Variants in ZNF622 observed in about 807,000 individuals in gnomAD.
ZNF622 encodes the protein zinc finger protein 622, also known as cytoplasmic 60S subunit biogenesis factor ZNF622.
In ZNF622, 34 loss-of-function variants were observed where a neutral mutation model predicts 49.7. The ratio of observed to expected loss-of-function variants is 0.68; its 90% CI spans 0.52 to 0.91. The LOEUF is 0.91. ZNF622 is among the 40% of genes least tolerant of loss of function. The pLI is 0.00. For missense variants in ZNF622, 569 were observed against 616.4 expected, an observed-to-expected ratio of 0.92 and a Z score of 0.81; for synonymous variants, 209 against 228.7, an observed-to-expected ratio of 0.91 and a Z score of 0.78.
rs751345403 is a variant in ZNF622, at chr5:16,465,507, C to T, written c.159G>A (p.Ala53=). The T allele has an allele frequency of 6.2e-7, 1 of 1,614,022 alleles. No homozygotes were observed. Among genetic ancestry groups the T allele is most frequent in the Non-Finnish European group, 8.5e-7 (1 of 1,180,016 alleles). Reference sequence around the variant, plus strand: ...TCTCCTCCTCCGCGACGGCCCGCTGCGCCCGCACTCGCTCCTGGAAGCCCT... The same window carrying T: ...TCTCCTCCTCCGCGACGGCCCGCTGTGCCCGCACTCGCTCCTGGAAGCCCT... ...TAEGFQERVR[A]QRAVAEEESK... is the part of the protein sequence containing the mutation. Residue 53 remains alanine, a synonymous_variant, in exon 1 of 6, where the codon GCG becomes GCA. Coordinates refer to ENST00000308683, the MANE Select transcript of ZNF622 (RefSeq NM_033414.3). The surrounding 1 kb of genome is among the most constrained non-coding windows in gnomAD (Gnocchi z 6.2).
intron 3 of ZNF622, among the ~76,000 whole-genome samples, chr5:16,461,173 C>T (rs530932409): frequency 6.6e-6 from 1 of 152,198 alleles, no homozygotes; most frequent in African/African-American, 2.4e-5. Flanking sequence ...GCAGCAAATG[C>T]AAAGGTCTTG....
In ZNF622 at chr5:16,453,109, A is replaced by G; in HGVS notation, c.1210T>C (p.Phe404Leu). 1.3e-6 allele frequency: 2 copies of G among 1,581,102 alleles called. No individual in the cohort carries two copies. Among genetic ancestry groups the G allele is most frequent in the Non-Finnish European group, 1.7e-6 (2 of 1,160,300 alleles). ...ACTGCCACAGCTCTTGACAAGCCAAATCGCTGTTTGTAGTATCTCATCAAG... is the reference window on the plus strand; with the variant it reads ...ACTGCCACAGCTCTTGACAAGCCAAGTCGCTGTTTGTAGTATCTCATCAAG... ...RSLMRYYKQR[F>L]GLSRAVAVAK... Residue 404 changes from phenylalanine (F) to leucine (L), a missense_variant, in exon 5 of 6, where the codon TTT becomes CTT. Coordinates refer to ENST00000308683, the MANE Select transcript of ZNF622 (RefSeq NM_033414.3).
chr5:16,455,057 C>A (rs1738003641), intron 4 of ZNF622, among the ~76,000 whole-genome samples: 1 of 152,142 alleles, frequency 6.6e-6, no homozygotes, highest in Admixed American at 6.5e-5. Context: ...CAAAAGTAAT[C>A]AAATATCTTC....
In ZNF622 at chr5:16,454,592, T is replaced by C. The variant is rs373037334; in HGVS notation, c.1163-1436A>G. Among the ~76,000 whole-genome samples the C allele has an allele frequency of 1.1e-3, 165 of 151,902 alleles. 2 individuals are homozygous for C. The highest frequency in any genetic ancestry group is 3.8e-3 in the African/African-American group (156 of 41,436). On this transcript the variant is annotated intron_variant, in intron 4 of 5. Transcript: ENST00000308683. ...ACCTGAGGTAAGTAAAGATATCTAC[T>C]GGAGGAACAATTCAAGGTTCTTATT...
At position 16,463,542 on chromosome 5, in the gene ZNF622, T is replaced by G; in HGVS notation, c.826A>C (p.Ser276Arg). 1 of 1,614,166 alleles carries G rather than the reference T, an allele frequency of 6.2e-7. No homozygotes were observed. The highest frequency in any genetic ancestry group is 1.3e-5 in the African/African-American group (1 of 75,056). ...KNVAHMTKDH[S>R]FFIPDIEYLS... ...TATTCTATATCAGGAATAAAGAAAC[T>G]GTGGTCTTTGGTCATGTGAGCCACA... The change falls in exon 2 of 6, where the codon AGT becomes CGT. Residue 276 changes from serine (S) to arginine (R), a missense_variant. Physicochemically the swap from Ser to Arg is moderately radical, Grantham distance 110 (BLOSUM62 -1). Transcript: ENST00000308683. This position sits in a 1 kb window ranked among gnomAD's most constrained non-coding sequence, Gnocchi z 4.2.
chr5:16,455,759 C>T (rs955677540), intron 4 of ZNF622, among the ~76,000 whole-genome samples: 5 of 152,200 alleles, frequency 3.3e-5, no homozygotes, highest in Non-Finnish European at 5.9e-5. Flanking sequence ...CATGTGGAAA[C>T]ACATCCTACA....
In ZNF622 at chr5:16,463,648, A is replaced by G; in HGVS notation, c.720T>C (p.Ala240=). Residue 240 remains alanine, a synonymous_variant, in exon 2 of 6, where the codon GCT becomes GCC. Transcript: ENST00000308683. This position sits in a 1 kb window ranked among gnomAD's most constrained non-coding sequence, Gnocchi z 4.2. Reference sequence around the variant, plus strand: ...TGGCACCAAGGGGTGGGCCTTCCTCAGCCTCTTCCTCCTCTGCATCCTGCT... The same window carrying G: ...TGGCACCAAGGGGTGGGCCTTCCTCGGCCTCTTCCTCCTCTGCATCCTGCT... The part of the protein sequence containing the change: ...VVEQDAEEEE[A]EEGPPLGAIP... The G allele has an allele frequency of 6.2e-7, 1 of 1,614,238 alleles. No homozygotes were observed. Among genetic ancestry groups the G allele is most frequent in the Non-Finnish European group, 8.5e-7 (1 of 1,180,040 alleles).
intron 4 of ZNF622, among the ~76,000 whole-genome samples, chr5:16,455,210 G>T (rs26021): frequency 0.75 from 113,899 of 152,124 alleles, 42,654 homozygotes; most frequent in Non-Finnish European, 0.76. Flanking sequence ...TATTTACCTA[G>T]GTAAAGCCAT....
chr5:16,461,004 T>C (rs1009315722), intron 3 of ZNF622, among the ~76,000 whole-genome samples: 6 of 151,956 alleles, frequency 3.9e-5, no homozygotes, highest in African/African-American at 4.8e-5. Context: ...GTAGGGGATA[T>C]AAGGAAAAAT....
In ZNF622 at chr5:16,463,021, G is replaced by T; in HGVS notation, c.1049+87C>A. 7.1e-7 allele frequency: 1 copy of T among 1,416,042 alleles called. No homozygotes were observed. The highest frequency in any genetic ancestry group is 9.6e-7 in the Non-Finnish European group (1 of 1,040,916). 87.7% of individuals were successfully genotyped at this position (1,416,042 alleles called of 1,614,324 possible). Reference sequence around the variant, plus strand: ...TGTTATTAAGGATATGTTGTACAGTGCCAAACATATCCAGCACTGGCACAC... The same window carrying T: ...TGTTATTAAGGATATGTTGTACAGTTCCAAACATATCCAGCACTGGCACAC... On this transcript the variant is annotated intron_variant, in intron 3 of 5. Coordinates refer to ENST00000308683, the MANE Select transcript of ZNF622 (RefSeq NM_033414.3). This position sits in a 1 kb window ranked among gnomAD's most constrained non-coding sequence, Gnocchi z 4.2.
chr5:16,465,247 G>T lies in ZNF622; in HGVS notation c.419C>A (p.Pro140Gln). 1 of 1,614,226 alleles carries T rather than the reference G, an allele frequency of 6.2e-7. No individual in the cohort carries two copies. Among genetic ancestry groups the T allele is most frequent in the South Asian group, 1.1e-5 (1 of 91,086 alleles). Residue 140 changes from proline to glutamine, a missense_variant, in exon 1 of 6, where the codon CCG (proline) becomes CAG (glutamine). Physicochemically the swap from Pro to Gln is moderately conservative, Grantham distance 76. Coordinates refer to ENST00000308683, the MANE Select transcript of ZNF622 (RefSeq NM_033414.3). The surrounding 1 kb of genome is among the most constrained non-coding windows in gnomAD (Gnocchi z 6.2). ...GGGCGCCTTCTTGGGAGACATGGACGGCTGGGCCTTGATGGCCTGCTGGAT... is the reference window on the plus strand; with the variant it reads ...GGGCGCCTTCTTGGGAGACATGGACTGCTGGGCCTTGATGGCCTGCTGGAT... Reference protein sequence around the residue: ...AAIQQAIKAQPSMSPKKAPPA... With the variant: ...AAIQQAIKAQQSMSPKKAPPA...
rs55760045 is a variant in ZNF622, at chr5:16,458,255, T to TA, written c.1162+261dup. On this transcript the variant is annotated intron_variant, in intron 4 of 5. Transcript: ENST00000308683. ...GAACAGAATAGAAAAGGTCTACATC[T>TA]AAAAAAAAAAAAAAAAGAAATGCCT... Among the ~76,000 whole-genome samples the TA allele has an allele frequency of 3.0e-3, 361 of 119,314 alleles. 1 individual carries two copies. The highest frequency in any genetic ancestry group is 5.3e-3 in the African/African-American group (182 of 34,354). The allele number at this position is 119,314 out of a possible 152,430, so 78.3% of individuals were successfully genotyped here.
At chr5:16,458,700 G>A (rs1362510704) in intron 3 of ZNF622, 71 bp from the exon 4 acceptor site, 1 of 1,112,612 alleles carries the variant, frequency 9.0e-7, no homozygotes, top group East Asian at 2.5e-5. Context: ...AAACTCATTT[G>A]CAAATGTGGC....
chr5:16,454,218 T>C (rs544619105), intron 4 of ZNF622, among the ~76,000 whole-genome samples: 1 of 152,176 alleles, frequency 6.6e-6, no homozygotes, highest in Non-Finnish European at 1.5e-5. Context: ...CCGGGTGCGG[T>C]GGCTCACGCC....
chr5:16,455,538 T>A lies in ZNF622; in HGVS notation c.1163-2382A>T, dbSNP rs565516401. ...CCTAAACCTGACTGTTTTGACAGCA[T>A]AAGAGTTAACAAAGCTCTTAGACCA... is the stretch of plus-strand genomic sequence containing the variant. On this transcript the variant is annotated intron_variant, in intron 4 of 5. Coordinates refer to ENST00000308683, the MANE Select transcript of ZNF622 (RefSeq NM_033414.3). Among the ~76,000 whole-genome samples, 4 of 152,336 alleles carry A rather than the reference T, an allele frequency of 2.6e-5. No individual in the cohort carries two copies. In the South Asian group the frequency reaches 8.3e-4, roughly 32 times the overall value.
At position 16,452,487 on chromosome 5, in the gene ZNF622, T is replaced by C. The variant is rs558775385; in HGVS notation, c.1306+526A>G. On this transcript the variant is annotated intron_variant, in intron 5 of 5. Transcript: ENST00000308683. ...AAGGGGACTGATAGCTAACCTCGAC[T>C]ATGGGCATGCACTATATCACACATG... Among the ~76,000 whole-genome samples the C allele has an allele frequency of 7.2e-5, 11 of 152,342 alleles. No individual in the cohort carries two copies. In the South Asian group the frequency reaches 2.1e-3, roughly 29 times the overall value.
In ZNF622 at chr5:16,463,845, G is replaced by T; in HGVS notation, c.626-103C>A. ...ATACAGTCCTATATTTGGAGAAACA[G>T]CCACACCCCAACTCCCAAGGACAAC... On this transcript the variant is annotated intron_variant, in intron 1 of 5. Coordinates refer to ENST00000308683, the MANE Select transcript of ZNF622 (RefSeq NM_033414.3). This position sits in a 1 kb window ranked among gnomAD's most constrained non-coding sequence, Gnocchi z 4.2. 8.0e-7 allele frequency: 1 copy of T among 1,247,190 alleles called. No homozygotes were observed. Among genetic ancestry groups the T allele is most frequent in the Non-Finnish European group, 1.1e-6 (1 of 894,454 alleles). The allele number at this position is 1,247,190 out of a possible 1,614,324, so 77.3% of individuals were successfully genotyped here.
Position 16,463,458 on chromosome 5 carries a change from TAAAAGG to T in ZNF622, c.886+18_886+23del, listed in dbSNP as rs750096935. The T allele has an allele frequency of 2.5e-6, 4 of 1,590,076 alleles. No individual in the cohort carries two copies. Among genetic ancestry groups the T allele is most frequent in the Non-Finnish European group, 3.4e-6 (4 of 1,165,606 alleles). On this transcript the variant is annotated intron_variant, in intron 2 of 5. Coordinates refer to ENST00000308683, the MANE Select transcript of ZNF622 (RefSeq NM_033414.3). This position sits in a 1 kb window ranked among gnomAD's most constrained non-coding sequence, Gnocchi z 4.2. ...CCCAATAATGTGATTATTTCCTCAT[TAAAAGG>T]AAAACTATTGTACTTACCCAAGTAT...
rs1579567737 is a variant in ZNF622, at chr5:16,465,260, T to C, written c.406A>G (p.Ile136Val). The change falls in exon 1 of 6, where the codon ATC becomes GTC. Residue 136 changes from isoleucine (I) to valine (V), a missense_variant. Coordinates refer to ENST00000308683, the MANE Select transcript of ZNF622 (RefSeq NM_033414.3). The surrounding 1 kb of genome is among the most constrained non-coding windows in gnomAD (Gnocchi z 6.2). The part of the protein sequence containing the change: ...DAMNAAIQQA[I>V]KAQPSMSPKK... ...GGAGACATGGACGGCTGGGCCTTGA[T>C]GGCCTGCTGGATGGCCGCGTTCATG... The C allele has an allele frequency of 3.1e-6, 5 of 1,614,122 alleles. No homozygotes were observed. The Admixed American group carries it at 5.0e-5, about 16-fold the overall frequency.
Sources: gnomAD v4.1 joint callset for allele counts (sites outside exome capture counted in the v4.1 genomes callset) on GRCh38, gnomAD v4.1.1 for gene constraint, Gnocchi (gnomAD v3.1) non-coding constraint, MANE v1.5 for transcripts, NCBI Gene and HGNC (gene_info 2026-07-23, HGNC 2026-07-21) for gene names.